The following ARMC3 variants were observed in gnomAD, a reference collection of about 807,000 sequenced individuals.
The protein encoded by ARMC3 is armadillo repeat containing 3.
In ARMC3, 74 loss-of-function variants were observed where a neutral mutation model predicts 90.3. The ratio of observed to expected loss-of-function variants is 0.82; its 90% CI spans 0.68 to 0.99. The LOEUF (loss-of-function observed/expected upper bound fraction) is 0.99. ARMC3 is among the 50% of genes least tolerant of loss of function. The pLI is 0.00. For synonymous variants in ARMC3, 334 were observed against 361.8 expected (o/e 0.92, Z 0.87); for missense variants, 958 against 1,042.8 (o/e 0.92, Z 1.12).
rs763173528 is a variant in ARMC3, at chr10:23,008,886, GA to G, written c.2003del (p.Asn668IlefsTer26). 1 of 1,613,808 alleles carries G rather than the reference GA, an allele frequency of 6.2e-7. No homozygotes were observed. The highest frequency in any genetic ancestry group is 2.2e-5 in the East Asian group (1 of 44,868). On this transcript the variant is annotated frameshift_variant, in exon 16 of 19. Coordinates refer to ENST00000298032, the MANE Select transcript of ARMC3 (RefSeq NM_173081.5). LOFTEE classifies it high-confidence loss of function. ...IEDKSEPASG[R>X]NTVLSKSATK... ...GACAAATCAGAGCCAGCTTCTGGAC[GA>G]AATACTGTTCTCAGCAAAAGCGCCA...
intron 2 of ARMC3, among the ~76,000 whole-genome samples, chr10:22,940,334 A>G (rs113779000): frequency 3.9e-5 from 6 of 152,390 alleles, no homozygotes; most frequent in African/African-American, 1.4e-4. Context: ...GTTTAACAAA[A>G]TAAAATCAAT....
At chr10:22,972,329 C>G (rs559497147) in intron 8 of ARMC3, among the ~76,000 whole-genome samples, 2 of 152,072 alleles carry the variant, frequency 1.3e-5, no homozygotes, top group East Asian at 3.8e-4. Context: ...ATATTTAGGT[C>G]TTGATCCATT....
chr10:22,981,451 T>A lies in ARMC3; in HGVS notation c.1028T>A (p.Met343Lys). ...GCTGCTTCCCAAGCTATTTCAGCAA[T>A]GTGTGAGAATTCAGGCAGCAAAGAT... is the stretch of plus-strand genomic sequence containing the variant. The part of the protein sequence containing the change: ...KIAASQAISA[M>K]CENSGSKDFF... Residue 343 changes from methionine to lysine, a missense_variant, in exon 9 of 19, where the codon ATG becomes AAG. By Grantham distance (95) the Met-to-Lys change is moderately conservative. Coordinates refer to ENST00000298032, the MANE Select transcript of ARMC3 (RefSeq NM_173081.5). 6.2e-7 allele frequency: 1 copy of A among 1,614,014 alleles called. No individual in the cohort carries two copies. Among genetic ancestry groups the A allele is most frequent in the Non-Finnish European group, 8.5e-7 (1 of 1,179,998 alleles).
At chr10:22,970,348 G>T (rs1366079927) in intron 8 of ARMC3, among the ~76,000 whole-genome samples, 1 of 152,188 alleles carries the variant, frequency 6.6e-6, no homozygotes, top group Non-Finnish European at 1.5e-5. Flanking sequence ...AAAGTTTTCA[G>T]AATGGCCAAT....
At chr10:23,032,320 G>A (rs545464118) in intron 17 of ARMC3, among the ~76,000 whole-genome samples, 3 of 151,762 alleles carry the variant, frequency 2.0e-5, no homozygotes, top group Non-Finnish European at 4.4e-5. Flanking sequence ...CCTGACTTCA[G>A]TGTTAAGTCA....
intron 16 of ARMC3, among the ~76,000 whole-genome samples, chr10:23,027,494 G>C (rs1431778075): frequency 6.6e-6 from 1 of 152,100 alleles, no homozygotes; most frequent in African/African-American, 2.4e-5. Flanking sequence ...CTTATATCCT[G>C]ACCCTTCGAT....
Position 22,932,017 on chromosome 10 carries a change from G to A in ARMC3, c.21G>A (p.Lys7=). Residue 7 remains lysine, a synonymous_variant, in exon 2 of 19, where the codon AAG becomes AAA. Coordinates refer to ENST00000298032, the MANE Select transcript of ARMC3 (RefSeq NM_173081.5). The stretch of plus-strand genomic sequence containing the variant: ...CCAGGATGGGTAAAAAGATAAAGAA[G>A]GAAGTAGAGCCTCCTCCTAAGGATG... MGKKIK[K]EVEPPPKDVF... 6.2e-7 allele frequency: 1 copy of A among 1,605,302 alleles called. No homozygotes were observed. The highest frequency in any genetic ancestry group is 8.5e-7 in the Non-Finnish European group (1 of 1,177,384).
intron 13 of ARMC3, among the ~76,000 whole-genome samples, chr10:23,004,575 G>A (rs1837483591): frequency 6.6e-6 from 1 of 152,156 alleles, no homozygotes; most frequent in Non-Finnish European, 1.5e-5. Context: ...TGCTAGGCAG[G>A]TGCAAGAACT....
chr10:22,995,275 T>G (rs1836898043), intron 10 of ARMC3, among the ~76,000 whole-genome samples: 1 of 152,222 alleles, frequency 6.6e-6, no homozygotes, highest in Admixed American at 6.5e-5. Context: ...AATTCTTTTT[T>G]GTTTTTTAAA....
chr10:22,968,563 G>A (rs1835546726), intron 8 of ARMC3, 74 bp downstream of exon 8: 2 of 1,332,186 alleles, frequency 1.5e-6, no homozygotes, highest in East Asian at 5.1e-5. Flanking sequence ...GCTGTGGCGT[G>A]ATCACAGCTC....
chr10:23,027,705 T>C (rs115312329), intron 16 of ARMC3, among the ~76,000 whole-genome samples: 1,908 of 152,324 alleles, frequency 0.013, 33 homozygotes, highest in African/African-American at 0.043. Context: ...GGGAGCCATC[T>C]CAGCCTTTCC....
chr10:23,024,588 T>C (rs1309840664), intron 16 of ARMC3, among the ~76,000 whole-genome samples: 10 of 152,220 alleles, frequency 6.6e-5, no homozygotes, highest in Non-Finnish European at 1.2e-4. Context: ...TTCCATACTT[T>C]ACTTGAAGCA....
chr10:23,006,748 T>C (rs1316744155), intron 13 of ARMC3, 136 bp from the exon 14 acceptor site: 1 of 685,268 alleles, frequency 1.5e-6, no homozygotes, highest in Non-Finnish European at 2.5e-6. Context: ...ATTTTATATA[T>C]GTATATTGTA....
chr10:23,014,488 A>G (rs896045643), intron 16 of ARMC3: 3 of 1,019,576 alleles, frequency 2.9e-6, no homozygotes, highest in African/African-American at 1.7e-5. Flanking sequence ...TTCGTCTGAA[A>G]AGCCATTGGG....
chr10:22,972,863 G>A (rs1166733253), intron 8 of ARMC3, among the ~76,000 whole-genome samples: 5 of 152,098 alleles, frequency 3.3e-5, no homozygotes. Flanking sequence ...TTCCATTTCA[G>A]TCTTATGCAG....
chr10:22,998,515 T>C, intron 11 of ARMC3, 118 bp downstream of exon 11: 1 of 1,333,682 alleles, frequency 7.5e-7, no homozygotes, highest in Non-Finnish European at 1.0e-6. Context: ...TCAAAACCGG[T>C]AAAACAGTGG....
At chr10:22,971,749 T>A (rs923271505) in intron 8 of ARMC3, among the ~76,000 whole-genome samples, 1 of 143,450 alleles carries the variant, frequency 7.0e-6, no homozygotes, top group African/African-American at 2.7e-5. Flanking sequence ...CCTCTATTTT[T>A]AATTTTTTTG....
At chr10:22,991,293 CAT>C (rs1190326337) in intron 10 of ARMC3, among the ~76,000 whole-genome samples, 1 of 152,074 alleles carries the variant, frequency 6.6e-6, no homozygotes, top group Non-Finnish European at 1.5e-5. Context: ...GTATTTTGTG[CAT>C]GTAAGAGATT....
chr10:22,973,143 T>C (rs918892398), intron 8 of ARMC3, among the ~76,000 whole-genome samples: 1 of 151,718 alleles, frequency 6.6e-6, no homozygotes, highest in Admixed American at 6.6e-5. Flanking sequence ...ATAAAATTTT[T>C]TTTAAATGAG....
Sources: gnomAD v4.1 joint callset for allele counts (sites outside exome capture counted in the v4.1 genomes callset) on GRCh38, gnomAD v4.1.1 for gene constraint, MANE v1.5 for transcripts, NCBI Gene and HGNC (gene_info 2026-07-23, HGNC 2026-07-21) for gene names.